The following PDIA3 variants were observed in gnomAD, a reference collection of about 807,000 sequenced individuals.
PDIA3 encodes protein disulfide isomerase family A member 3.
A neutral mutation model predicts 56.9 loss-of-function variants in PDIA3; 16 were observed. The ratio of observed to expected loss-of-function variants is 0.28; its 90% CI spans 0.19 to 0.43. The LOEUF is 0.43. PDIA3 is among the 20% of genes least tolerant of loss of function. The probability of loss-of-function intolerance (pLI) is 1.00; values close to 1 mark genes in which losing one functional copy is unlikely to be tolerated. For synonymous variants in PDIA3, 192 were observed against 216.5 expected (o/e 0.89, Z 0.99); for missense variants, 485 against 621.3 (o/e 0.78, Z 2.33).
chr15:43,746,786 G>A, intron 1 of PDIA3, 80 bp downstream of exon 1: 3 of 1,470,512 alleles, frequency 2.0e-6, no homozygotes, highest in Non-Finnish European at 2.8e-6. Context: ...TTGGGCCTAC[G>A]CAGCGCCGGG....
At chr15:43,752,276 G>T (rs893300543) in intron 1 of PDIA3, among the ~76,000 whole-genome samples, 2 of 152,060 alleles carry the variant, frequency 1.3e-5, no homozygotes, top group African/African-American at 4.8e-5. Context: ...AGATCCAATT[G>T]TTACTCCCTT....
At chr15:43,750,064 T>TGCTTTGCTC (rs1342587594) in intron 1 of PDIA3, among the ~76,000 whole-genome samples, 1 of 150,672 alleles carries the variant, frequency 6.6e-6, no homozygotes, top group African/African-American at 2.5e-5. Context: ...GGTGAAAGCT[T>TGCTTTGCTC]GCTTTGCTTG....
In PDIA3 at chr15:43,773,254, AAG is replaced by A; in HGVS notation, c.*2037_*2038del. 6.2e-7 allele frequency: 1 copy of A among 1,613,756 alleles called. No individual in the cohort carries two copies. The highest frequency in any genetic ancestry group is 8.5e-7 in the Non-Finnish European group (1 of 1,179,918). The stretch of plus-strand genomic sequence containing the variant: ...GCAGAGAAAAAGCATCCATGTCAAA[AAG>A]TAAAAATTCTCATTCTACCTTGCTT... On this transcript the variant is annotated 3_prime_UTR_variant, in exon 13 of 13. Coordinates refer to ENST00000300289, the MANE Select transcript of PDIA3 (RefSeq NM_005313.5).
chr15:43,755,850 G>A (rs2086775506), intron 2 of PDIA3, among the ~76,000 whole-genome samples: 1 of 151,506 alleles, frequency 6.6e-6, no homozygotes, highest in Admixed American at 6.6e-5. Flanking sequence ...TGTGGTAGAG[G>A]TTGCAGTGAG....
intron 3 of PDIA3, among the ~76,000 whole-genome samples, chr15:43,758,567 A>G (rs2086794524): frequency 6.6e-6 from 1 of 150,570 alleles, no homozygotes; most frequent in Admixed American, 6.6e-5. Flanking sequence ...CTGAGGCAGG[A>G]GGATCACTTG....
At chr15:43,752,678 A>C in intron 1 of PDIA3, 1 of 425,206 alleles carries the variant, frequency 2.4e-6, no homozygotes, top group Admixed American at 2.7e-5. Flanking sequence ...TATTTTAAAC[A>C]AGTTTTAGGT....
Position 43,765,459 on chromosome 15 carries a change from CT to C in PDIA3, c.614del (p.Leu205TyrfsTer23). 6.3e-7 allele frequency: 1 copy of C among 1,580,346 alleles called. No homozygotes were observed. The highest frequency in any genetic ancestry group is 8.7e-7 in the Non-Finnish European group (1 of 1,152,652). ...CTTTTTTTTTTTTAAGGGGTATCAT[CT>C]TATTTCGTCCTTCACATCTCACTAA... ...EYDDNGEGII[L>X]FRPSHLTNKF... On this transcript the variant is annotated frameshift_variant, in exon 6 of 13. Transcript: ENST00000300289. LOFTEE classifies it high-confidence loss of function.
rs552186829 is a variant in PDIA3, at chr15:43,757,544, C to T, written c.364+778C>T. ...CTGCACTCCAACATGGGCGACAGAGCGAGACTCCGTCTCAAAAAAAAAAAA... is the reference window on the plus strand; with the variant it reads ...CTGCACTCCAACATGGGCGACAGAGTGAGACTCCGTCTCAAAAAAAAAAAA... On this transcript the variant is annotated intron_variant, in intron 3 of 12. Transcript: ENST00000300289. Among the ~76,000 whole-genome samples the T allele has an allele frequency of 5.0e-4, 71 of 141,368 alleles. 1 individual carries two copies. The East Asian group carries it at 0.013, about 26-fold the overall frequency. The allele number at this position is 141,368 out of a possible 152,430, so 92.7% of individuals were successfully genotyped here. A position where few individuals can be genotyped will look rare whatever the true frequency, so the allele number is the denominator to read the frequency against.
At chr15:43,761,261 C>G (rs952371580) in intron 3 of PDIA3, among the ~76,000 whole-genome samples, 163 bp from the exon 4 acceptor site, 1 of 148,156 alleles carries the variant, frequency 6.7e-6, no homozygotes, top group Non-Finnish European at 1.5e-5. Flanking sequence ...AAAAAAAAAA[C>G]CTGAAATCTT....
At chr15:43,753,191 C>G (rs554191185) in intron 1 of PDIA3, among the ~76,000 whole-genome samples, 5 of 151,958 alleles carry the variant, frequency 3.3e-5, no homozygotes, top group African/African-American at 1.2e-4. Flanking sequence ...AATTCTCCTG[C>G]CTCAGCCTCC....
Position 43,770,231 on chromosome 15 carries a change from T to TA in PDIA3, c.1267-17dup, listed in dbSNP as rs1567160074. 6.2e-7 allele frequency: 1 copy of TA among 1,600,450 alleles called. No individual in the cohort carries two copies. Among genetic ancestry groups the TA allele is most frequent in the East Asian group, 2.2e-5 (1 of 44,826 alleles). ...ACTGAAAACTTGAAATGTAAACATT[T>TA]AACCTGTTTTATTAACAGCTCAGCA... On this transcript the variant is annotated intron_variant, in intron 10 of 12. Coordinates refer to ENST00000300289, the MANE Select transcript of PDIA3 (RefSeq NM_005313.5).
intron 1 of PDIA3, among the ~76,000 whole-genome samples, chr15:43,751,368 AC>A (rs1257680702): frequency 5.3e-5 from 8 of 152,272 alleles, no homozygotes; most frequent in Admixed American, 2.6e-4. Flanking sequence ...TTGATAAGGC[AC>A]TTATCAAAAA....
rs886192187 is a variant in PDIA3 at position 43,771,590 on chromosome 15, C to T, written c.*372C>T. The T allele has an allele frequency of 3.4e-5, 15 of 435,104 alleles. No homozygotes were observed. The highest frequency in any genetic ancestry group is 5.2e-5 in the Non-Finnish European group (13 of 248,580). 27.0% of individuals were successfully genotyped at this position (435,104 alleles called of 1,614,324 possible). A position where few individuals can be genotyped will look rare whatever the true frequency, so the allele number is the denominator to read the frequency against. On this transcript the variant is annotated 3_prime_UTR_variant, in exon 13 of 13. Transcript: ENST00000300289. ...GAACCAGATGTTCTCTACACACTATCACTGTTCAATAGAGCTTTCTTCAGT... is the reference window on the plus strand; with the variant it reads ...GAACCAGATGTTCTCTACACACTATTACTGTTCAATAGAGCTTTCTTCAGT...
In PDIA3 at chr15:43,773,196, G is replaced by A. The variant is rs758812825; in HGVS notation, c.*1978G>A. On this transcript the variant is annotated 3_prime_UTR_variant, in exon 13 of 13. Coordinates refer to ENST00000300289, the MANE Select transcript of PDIA3 (RefSeq NM_005313.5). ...AATTTCTGGTGAAGGTACTCACAGC[G>A]ACGCTTTTCTTCTCTGTAACTTGGG... 23 of 1,613,826 alleles carry A rather than the reference G, an allele frequency of 1.4e-5. No individual in the cohort carries two copies. The highest frequency in any genetic ancestry group is 2.7e-5 in the African/African-American group (2 of 74,888).
chr15:43,758,026 G>A (rs1221996706), intron 3 of PDIA3, among the ~76,000 whole-genome samples: 2 of 151,706 alleles, frequency 1.3e-5, no homozygotes, highest in African/African-American at 2.4e-5. Flanking sequence ...ATCACCTGAG[G>A]TCGGGAGTTC....
At chr15:43,767,856 C>T (rs1043060014) in intron 8 of PDIA3, among the ~76,000 whole-genome samples, 3 of 151,822 alleles carry the variant, frequency 2.0e-5, no homozygotes, top group African/African-American at 7.3e-5. Flanking sequence ...CCTATAATCC[C>T]AGCACTTTGG....
chr15:43,759,756 G>A (rs1036800713), intron 3 of PDIA3, among the ~76,000 whole-genome samples: 20 of 152,094 alleles, frequency 1.3e-4, no homozygotes, highest in African/African-American at 4.8e-4. Context: ...CTTACATGAG[G>A]TAGCACAAAT....
intron 1 of PDIA3, 109 bp downstream of exon 1, chr15:43,746,815 C>A: frequency 1.6e-6 from 2 of 1,228,522 alleles, no homozygotes; most frequent in Non-Finnish European, 2.3e-6. Context: ...TTCCTGTGGG[C>A]CCCTGCTGCG....
chr15:43,763,147 C>T lies in PDIA3; in HGVS notation c.543C>T (p.Asn181=). The change falls in exon 5 of 13, where the codon AAC becomes AAT. Residue 181 remains asparagine, a synonymous_variant. Transcript: ENST00000300289. ...AAGCAGCCAGCAACTTGAGGGATAA[C>T]TACCGATTTGCACATACGAATGTTG... is the stretch of plus-strand genomic sequence containing the variant. ...FLKAASNLRD[N]YRFAHTNVES... 1 of 1,614,106 alleles carries T rather than the reference C, an allele frequency of 6.2e-7. No individual in the cohort carries two copies. Among genetic ancestry groups the T allele is most frequent in the Non-Finnish European group, 8.5e-7 (1 of 1,179,958 alleles).
Sources: gnomAD v4.1 joint callset for allele counts (sites outside exome capture counted in the v4.1 genomes callset) on GRCh38, gnomAD v4.1.1 for gene constraint, MANE v1.5 for transcripts, NCBI Gene and HGNC (gene_info 2026-07-23, HGNC 2026-07-21) for gene names.